The following EIF3H variants were observed in gnomAD, a reference collection of about 807,000 sequenced individuals.
The protein encoded by EIF3H is eukaryotic translation initiation factor 3 subunit H.
Under a neutral mutation model 44.2 loss-of-function variants are expected in EIF3H, and 26 were observed. The ratio of observed to expected loss-of-function variants is 0.59; its 90% confidence interval spans 0.43 to 0.82. The LOEUF (loss-of-function observed/expected upper bound fraction) is 0.82. Among genes scored for constraint, EIF3H ranks in the 40% least tolerant of loss-of-function variants. EIF3H has a pLI of 0.00. For missense variants in EIF3H, 359 were observed against 432.8 expected, an observed-to-expected ratio of 0.83 and a Z score of 1.51; for synonymous variants, 166 against 151.9, an observed-to-expected ratio of 1.09 and a Z score of -0.68.
chr8:116,748,191 TA>T (rs1815271178), intron 1 of EIF3H, among the ~76,000 whole-genome samples: 1 of 149,676 alleles, frequency 6.7e-6, no homozygotes, highest in Non-Finnish European at 1.5e-5. Flanking sequence ...CAAAACAAAA[TA>T]AAAAACAAAG....
At chr8:116,689,318 T>C (rs1470960894) in intron 2 of EIF3H, among the ~76,000 whole-genome samples, 1 of 152,164 alleles carries the variant, frequency 6.6e-6, no homozygotes, top group Non-Finnish European at 1.5e-5. Context: ...GAAAATACTC[T>C]AGAATTGACG....
chr8:116,714,728 G>T (rs1467512033), intron 2 of EIF3H, among the ~76,000 whole-genome samples: 1 of 151,886 alleles, frequency 6.6e-6, no homozygotes, highest in Non-Finnish European at 1.5e-5. Flanking sequence ...AAGAAAGAGA[G>T]TTTTGAAAAA....
chr8:116,755,137 TTC>T (rs902236394), intron 1 of EIF3H, among the ~76,000 whole-genome samples: 1 of 152,254 alleles, frequency 6.6e-6, no homozygotes, highest in African/African-American at 2.4e-5. Flanking sequence ...CTCTTTGATA[TTC>T]TTTTATGTTT....
chr8:116,673,566 T>C (rs1201004707), intron 2 of EIF3H, among the ~76,000 whole-genome samples: 2 of 152,204 alleles, frequency 1.3e-5, no homozygotes, highest in Non-Finnish European at 2.9e-5. Flanking sequence ...CAGGAAACTA[T>C]ATGTTTAGCA....
intron 5 of EIF3H, among the ~76,000 whole-genome samples, chr8:116,650,740 G>A (rs1271249800): frequency 1.3e-5 from 2 of 152,070 alleles, no homozygotes; most frequent in South Asian, 2.1e-4. Flanking sequence ...TCCACCTCCC[G>A]GGTTCAAGCA....
At chr8:116,664,797 T>C (rs1813641294) in intron 2 of EIF3H, among the ~76,000 whole-genome samples, 1 of 152,152 alleles carries the variant, frequency 6.6e-6, no homozygotes, top group Non-Finnish European at 1.5e-5. Context: ...GAATCTACCA[T>C]CTAATATTTA....
intron 2 of EIF3H, among the ~76,000 whole-genome samples, chr8:116,693,207 A>G (rs1285655222): frequency 6.6e-6 from 1 of 152,248 alleles, no homozygotes; most frequent in African/African-American, 2.4e-5. Flanking sequence ...ATAGACCTAA[A>G]GTATAACTGA....
chr8:116,744,565 T>C (rs1281986819), intron 1 of EIF3H, among the ~76,000 whole-genome samples: 1 of 152,188 alleles, frequency 6.6e-6, no homozygotes, highest in Non-Finnish European at 1.5e-5. Flanking sequence ...GCTAAGTAAA[T>C]TACACTACAC....
In EIF3H at chr8:116,658,878, C is replaced by T. The variant is rs1813539657; in HGVS notation, c.392G>A (p.Arg131Gln). ...QSTYYGSFVT[R>Q]ALLDSQFSYQ... Reference sequence around the variant, plus strand: ...ACTAAACTGAGAGTCCAGGAGTGCCCGGGTAACGAATGAGCCATAGTATGT... The same window carrying T: ...ACTAAACTGAGAGTCCAGGAGTGCCTGGGTAACGAATGAGCCATAGTATGT... Residue 131 changes from arginine (R) to glutamine (Q), a missense_variant, in exon 3 of 8, where the codon CGG (arginine) becomes CAG (glutamine). Arg to Gln is a conservative substitution (Grantham distance 43). Around this residue, in one of 5 missense-constraint regions of EIF3H, gnomAD observed 91 missense variants for 164.6 expected, o/e 0.55. Transcript: ENST00000521861. 1.2e-6 allele frequency: 2 copies of T among 1,613,740 alleles called. No individual in the cohort carries two copies. The highest frequency in any genetic ancestry group is 1.7e-5 in the Admixed American group (1 of 59,988).
chr8:116,655,583 T>A (rs1469951240), intron 5 of EIF3H, among the ~76,000 whole-genome samples: 1 of 152,154 alleles, frequency 6.6e-6, no homozygotes, highest in Non-Finnish European at 1.5e-5. Flanking sequence ...ACTGACCTTA[T>A]CAAAGCACAA....
At chr8:116,740,276 G>C (rs546203557) in intron 1 of EIF3H, among the ~76,000 whole-genome samples, 3 of 152,270 alleles carry the variant, frequency 2.0e-5, no homozygotes, top group African/African-American at 4.8e-5. Context: ...GACCACAATA[G>C]ACATGAGCTC....
At chr8:116,743,242 G>A (rs1469293077) in intron 1 of EIF3H, among the ~76,000 whole-genome samples, 1 of 152,026 alleles carries the variant, frequency 6.6e-6, no homozygotes, top group Non-Finnish European at 1.5e-5. Context: ...CTTAAGGCCA[G>A]GAGTTCAAAA....
At chr8:116,715,168 T>C (rs573008116) in intron 2 of EIF3H, among the ~76,000 whole-genome samples, 2 of 152,236 alleles carry the variant, frequency 1.3e-5, no homozygotes, top group East Asian at 3.9e-4. Context: ...AATTACAGTT[T>C]TGTCAATTCA....
In EIF3H at chr8:116,655,893, C is replaced by A. The variant is rs766220038; in HGVS notation, c.670G>T (p.Val224Phe). 6.2e-7 allele frequency: 1 copy of A among 1,613,724 alleles called. No individual in the cohort carries two copies. Among genetic ancestry groups the A allele is most frequent in the Non-Finnish European group, 8.5e-7 (1 of 1,179,732 alleles). ...LMWELEKKSA[V>F]ADKHELLSLA... is the part of the protein sequence containing the mutation. ...CTGAGCAATTCATGTTTATCTGCAA[C>A]AGCTGACTTCTTTTCAAGTTCCCAC... The change falls in exon 5 of 8, where the codon GTT becomes TTT. Residue 224 changes from valine (V) to phenylalanine (F), a missense_variant. Val to Phe is a conservative substitution (Grantham distance 50, BLOSUM62 -1). This residue lies in a region of EIF3H where 85 missense variants were observed against 79.2 expected (regional missense o/e 1.07). Transcript: ENST00000521861.
intron 2 of EIF3H, among the ~76,000 whole-genome samples, chr8:116,681,180 T>C (rs1364493775): frequency 6.6e-6 from 1 of 151,682 alleles, no homozygotes; most frequent in Non-Finnish European, 1.5e-5. Flanking sequence ...CTGGACAACA[T>C]GGTAAAACCC....
intron 2 of EIF3H, among the ~76,000 whole-genome samples, chr8:116,670,838 G>C (rs1345668133): frequency 1.3e-5 from 2 of 152,206 alleles, no homozygotes; most frequent in Non-Finnish European, 2.9e-5. Flanking sequence ...TTTACACACA[G>C]ATCTCTTGAA....
At chr8:116,729,117 T>G (rs1482997739) in intron 1 of EIF3H, among the ~76,000 whole-genome samples, 3 of 152,200 alleles carry the variant, frequency 2.0e-5, no homozygotes, top group Non-Finnish European at 2.9e-5. Flanking sequence ...CCTAGATTCC[T>G]TTATACTTAC....
At chr8:116,733,642 A>C (rs983805391) in intron 1 of EIF3H, among the ~76,000 whole-genome samples, 12 of 152,150 alleles carry the variant, frequency 7.9e-5, no homozygotes, top group Non-Finnish European at 7.4e-5. Context: ...AATTTTAAAA[A>C]TCCCTAAAAT....
At chr8:116,659,693 T>TTAATGACTA (rs1264240103) in intron 2 of EIF3H, among the ~76,000 whole-genome samples, 4 of 152,204 alleles carry the variant, frequency 2.6e-5, no homozygotes, top group Non-Finnish European at 5.9e-5. Flanking sequence ...TTTTGTCAAA[T>TTAATGACTA]TAATGACTAC....
Sources: allele counts gnomAD v4.1 joint callset (sites outside exome capture counted in the v4.1 genomes callset), GRCh38; gene constraint gnomAD v4.1.1; regional missense constraint gnomAD v4.1.1; transcripts MANE v1.5; gene names NCBI Gene and HGNC (gene_info 2026-07-23, HGNC 2026-07-21).